PPFIA2: variants seen among roughly 807,000 people sequenced by gnomAD.
PPFIA2 encodes liprin-alpha-2.
Under a neutral mutation model 175.5 loss-of-function variants are expected in PPFIA2, and 46 were observed. That is an observed-to-expected ratio of 0.26 (90% CI 0.21 to 0.34). PPFIA2 has a LOEUF of 0.34. PPFIA2 is among the 10% of genes least tolerant of loss of function. The pLI is 1.00. For missense variants in PPFIA2, 1,179 were observed against 1,506.1 expected (o/e 0.78, Z 3.60); for synonymous variants, 568 against 511.4 (o/e 1.11, Z -1.49).
chr12:81,583,320 G>A (rs116089738), intron 4 of PPFIA2, among the ~76,000 whole-genome samples: 1,570 of 151,776 alleles, frequency 0.01, 29 homozygotes, highest in African/African-American at 0.033. Context: ...TTTCTATCAA[G>A]TTTTATTACG....
At chr12:81,565,470 A>C (rs984937000) in intron 4 of PPFIA2, among the ~76,000 whole-genome samples, 2 of 152,112 alleles carry the variant, frequency 1.3e-5, no homozygotes, top group African/African-American at 4.8e-5. Context: ...ATGTGAGTTA[A>C]TAATAAACTC....
intron 6 of PPFIA2, among the ~76,000 whole-genome samples, chr12:81,443,814 T>A (rs2050686768): frequency 1.3e-5 from 2 of 151,350 alleles, no homozygotes; most frequent in South Asian, 4.2e-4. Context: ...CCTTAATCAT[T>A]CTTTAATACC....
At chr12:81,504,898 A>T (rs2060982026) in intron 4 of PPFIA2, among the ~76,000 whole-genome samples, 1 of 152,186 alleles carries the variant, frequency 6.6e-6, no homozygotes, top group Non-Finnish European at 1.5e-5. Context: ...ACAGGAACAG[A>T]AAACCAAACA....
At chr12:81,361,282 T>C (rs753284489) in intron 15 of PPFIA2, among the ~76,000 whole-genome samples, 1 of 151,726 alleles carries the variant, frequency 6.6e-6, no homozygotes, top group Non-Finnish European at 1.5e-5. Flanking sequence ...TGATAATGCT[T>C]ATTCTATGCA....
intron 17 of PPFIA2, among the ~76,000 whole-genome samples, chr12:81,348,353 C>CTCCTTTAAA (rs2059423385): frequency 6.6e-6 from 1 of 152,028 alleles, no homozygotes; most frequent in Non-Finnish European, 1.5e-5. Flanking sequence ...TTAGCCAAGC[C>CTCCTTTAAA]TCCTTTAAAT....
At chr12:81,567,051 A>C (rs972171508) in intron 4 of PPFIA2, among the ~76,000 whole-genome samples, 2 of 152,078 alleles carry the variant, frequency 1.3e-5, no homozygotes, top group Non-Finnish European at 2.9e-5. Flanking sequence ...CCTGGGAGAA[A>C]CTTTCTTTTT....
intron 4 of PPFIA2, among the ~76,000 whole-genome samples, chr12:81,489,079 C>T (rs928282994): frequency 2.6e-5 from 4 of 151,818 alleles, no homozygotes; most frequent in Non-Finnish European, 5.9e-5. Flanking sequence ...TCAATATGTG[C>T]TGACTTGGTA....
rs138596680 is a variant in PPFIA2 at position 81,452,624 on chromosome 12, C to T, written c.405+5141G>A. Among the ~76,000 whole-genome samples the T allele has an allele frequency of 1.5e-3, 222 of 152,264 alleles. 2 individuals carry two copies. Among genetic ancestry groups the T allele is most frequent in the African/African-American group, 4.6e-3 (190 of 41,562 alleles). ...ACATGCATGTACACATATGTAGAATCTTTATCTGTTTTCAGCTGAGAAGGT... is the reference window on the plus strand; with the variant it reads ...ACATGCATGTACACATATGTAGAATTTTTATCTGTTTTCAGCTGAGAAGGT... On this transcript the variant is annotated intron_variant, in intron 5 of 32. Transcript: ENST00000549396.
chr12:81,601,178 T>G (rs966259955), intron 4 of PPFIA2, among the ~76,000 whole-genome samples: 2 of 151,978 alleles, frequency 1.3e-5, no homozygotes, highest in African/African-American at 2.4e-5. Flanking sequence ...GAAATAGTAC[T>G]ACTAATATAT....
At chr12:81,443,967 G>C (rs1201256082) in intron 6 of PPFIA2, among the ~76,000 whole-genome samples, 1 of 141,152 alleles carries the variant, frequency 7.1e-6, no homozygotes, top group Non-Finnish European at 1.5e-5. Flanking sequence ...CCATTCTCCT[G>C]CCTCAGCCTC....
intron 8 of PPFIA2, among the ~76,000 whole-genome samples, chr12:81,393,819 G>A (rs1485726819): frequency 6.6e-6 from 1 of 152,040 alleles, no homozygotes; most frequent in Non-Finnish European, 1.5e-5. Context: ...ATGAATTTGG[G>A]AACATGAGTA....
intron 7 of PPFIA2, among the ~76,000 whole-genome samples, chr12:81,438,470 TCAAAACAAAAAA>T (rs1010089565): frequency 7.2e-5 from 11 of 152,060 alleles, no homozygotes; most frequent in Admixed American, 2.0e-4. Context: ...AGACTCCGTC[TCAAAACAAAAAA>T]CAAAACAAAA....
intron 16 of PPFIA2, among the ~76,000 whole-genome samples, chr12:81,354,160 G>A (rs2060493526): frequency 6.6e-6 from 1 of 152,156 alleles, no homozygotes; most frequent in Non-Finnish European, 1.5e-5. Flanking sequence ...AAGGTTGGGT[G>A]GCTGTGACAA....
At chr12:81,387,638 A>T (rs560890674) in intron 8 of PPFIA2, among the ~76,000 whole-genome samples, 22 of 152,242 alleles carry the variant, frequency 1.4e-4, no homozygotes, top group South Asian at 4.1e-4. Flanking sequence ...GTTCTAATAA[A>T]TCTTATGGTG....
intron 3 of PPFIA2, among the ~76,000 whole-genome samples, chr12:81,698,731 G>A (rs1411486537): frequency 4.0e-5 from 6 of 151,552 alleles, no homozygotes; most frequent in Non-Finnish European, 8.8e-5. Context: ...CAGTTTAGAA[G>A]TGTTACTAAT....
chr12:81,484,036 G>T (rs564835306), intron 4 of PPFIA2, among the ~76,000 whole-genome samples: 7 of 151,888 alleles, frequency 4.6e-5, no homozygotes, highest in Non-Finnish European at 1.0e-4. Flanking sequence ...CACTGATGGT[G>T]CTGTATTCTT....
intron 9 of PPFIA2, among the ~76,000 whole-genome samples, chr12:81,378,668 G>T (rs990371020): frequency 6.6e-6 from 1 of 152,068 alleles, no homozygotes; most frequent in Admixed American, 6.6e-5. Context: ...AAAATTTTGT[G>T]GTCTGAAGAG....
intron 3 of PPFIA2, among the ~76,000 whole-genome samples, chr12:81,688,484 C>T (rs897260042): frequency 4.0e-5 from 6 of 151,622 alleles, no homozygotes; most frequent in Non-Finnish European, 1.5e-5. Context: ...CTTAGATCTT[C>T]TCCTATCTGA....
chr12:81,489,026 A>C (rs963565500), intron 4 of PPFIA2, among the ~76,000 whole-genome samples: 2 of 151,848 alleles, frequency 1.3e-5, no homozygotes, highest in African/African-American at 4.8e-5. Flanking sequence ...CAGATCACCA[A>C]TGCCCAACTT....
Sources: gnomAD v4.1 joint callset for allele counts (sites outside exome capture counted in the v4.1 genomes callset) on GRCh38, gnomAD v4.1.1 for gene constraint, MANE v1.5 for transcripts, NCBI Gene and HGNC (gene_info 2026-07-23, HGNC 2026-07-21) for gene names.